The following PPP3CA variants were observed in gnomAD, a reference collection of about 807,000 sequenced individuals.
The protein encoded by PPP3CA is CAM-PRP catalytic subunit.
PPP3CA carries 14 observed loss-of-function variants against 66.5 expected under a neutral mutation model. The observed-to-expected ratio is 0.21, with a 90% confidence interval of 0.14 to 0.33. PPP3CA has a LOEUF of 0.33. Among genes scored for constraint, PPP3CA ranks in the 10% least tolerant of loss-of-function variants. The pLI, the probability that PPP3CA is intolerant of heterozygous loss-of-function variation, is 1.00. For synonymous variants in PPP3CA, 232 were observed against 226.2 expected (o/e 1.03, Z -0.23); for missense variants, 317 against 639.5 (o/e 0.50, Z 5.44).
chr4:101,285,528 CAA>C (rs1267063156), intron 1 of PPP3CA, among the ~76,000 whole-genome samples: 1 of 151,596 alleles, frequency 6.6e-6, no homozygotes, highest in Non-Finnish European at 1.5e-5. Flanking sequence ...TCATCTGAAA[CAA>C]AGAGATACAT....
intron 1 of PPP3CA, among the ~76,000 whole-genome samples, chr4:101,335,532 T>C (rs1729596393): frequency 6.9e-6 from 1 of 145,164 alleles, no homozygotes; most frequent in Admixed American, 6.6e-5. Flanking sequence ...AAAACGCGTC[T>C]GCTATCTAGG....
chr4:101,053,760 T>A (rs1223205664), intron 10 of PPP3CA, among the ~76,000 whole-genome samples: 1 of 152,088 alleles, frequency 6.6e-6, no homozygotes, highest in Non-Finnish European at 1.5e-5. Flanking sequence ...ACCGTCAAAC[T>A]CAGCTTTTGT....
chr4:101,026,078 T>A lies in PPP3CA; in HGVS notation c.1370-17A>T, dbSNP rs1560567400. On this transcript the variant is annotated splice_polypyrimidine_tract_variant and intron_variant, in intron 13 of 13. Coordinates refer to ENST00000394854, the MANE Select transcript of PPP3CA (RefSeq NM_000944.5). ...CTTTGATAGCTAAACAGAAAATCAT[T>A]AAAAAAAGAAAACCAGGATTATCCA... 1.3e-6 allele frequency: 2 copies of A among 1,565,964 alleles called. No homozygotes were observed. The highest frequency in any genetic ancestry group is 2.0e-5 in the Admixed American group (1 of 50,474).
intron 1 of PPP3CA, among the ~76,000 whole-genome samples, chr4:101,234,706 T>A (rs1028385630): frequency 6.6e-6 from 1 of 151,790 alleles, no homozygotes; most frequent in Non-Finnish European, 1.5e-5. Context: ...TAAAAGAGAC[T>A]CCAACCATTT....
chr4:101,232,511 T>C (rs1725995062), intron 1 of PPP3CA, among the ~76,000 whole-genome samples: 1 of 151,792 alleles, frequency 6.6e-6, no homozygotes, highest in Non-Finnish European at 1.5e-5. Context: ...TAGAAATAAA[T>C]GCTTTATCTC....
At position 101,193,478 on chromosome 4, in the gene PPP3CA, A is replaced by T. The variant is rs1013808934; in HGVS notation, c.259+2438T>A. Among the ~76,000 whole-genome samples the T allele has an allele frequency of 8.8e-5, 13 of 147,384 alleles. No individual in the cohort carries two copies. In the Admixed American group the frequency reaches 8.8e-4, roughly 10 times the overall value. Reference sequence around the variant, plus strand: ...TCTAGTCAGCCATGTTAGCTGAAAGAAAAAAAAAAACAGAACTGGCCTCAT... The same window carrying T: ...TCTAGTCAGCCATGTTAGCTGAAAGTAAAAAAAAAACAGAACTGGCCTCAT... On this transcript the variant is annotated intron_variant, in intron 2 of 13. Transcript: ENST00000394854.
At chr4:101,339,234 T>A (rs1303489097) in intron 1 of PPP3CA, among the ~76,000 whole-genome samples, 3 of 152,094 alleles carry the variant, frequency 2.0e-5, no homozygotes, top group African/African-American at 7.2e-5. Context: ...TCCAATTTGT[T>A]CTTTTTCATG....
chr4:101,151,125 A>G (rs1723122575), intron 2 of PPP3CA, among the ~76,000 whole-genome samples: 1 of 152,258 alleles, frequency 6.6e-6, no homozygotes, highest in Non-Finnish European at 1.5e-5. Flanking sequence ...AGCTTTTTAT[A>G]AAGTGCTACT....
intron 1 of PPP3CA, among the ~76,000 whole-genome samples, chr4:101,233,922 C>T (rs1726044107): frequency 1.3e-5 from 2 of 151,602 alleles, no homozygotes; most frequent in South Asian, 4.1e-4. Flanking sequence ...CTCTCACCAT[C>T]TGTCTGCTGC....
At chr4:101,186,226 A>G (rs950384041) in intron 2 of PPP3CA, among the ~76,000 whole-genome samples, 3 of 152,154 alleles carry the variant, frequency 2.0e-5, no homozygotes, top group African/African-American at 7.2e-5. Context: ...AGAGGTATAG[A>G]ACGAAATACC....
Position 101,202,334 on chromosome 4 carries a change from A to G in PPP3CA, c.59-6218T>C, listed in dbSNP as rs151127720. Reference sequence around the variant, plus strand: ...CCACCACCAAAATACGTGAATTCTGATTCTACTTCTGAACAAAGAGTAAAG... The same window carrying G: ...CCACCACCAAAATACGTGAATTCTGGTTCTACTTCTGAACAAAGAGTAAAG... On this transcript the variant is annotated intron_variant, in intron 1 of 13. Transcript: ENST00000394854. 1.2e-4 allele frequency among the ~76,000 whole-genome samples: 19 copies of G among 152,326 alleles called. 1 individual carries two copies. The highest frequency in any genetic ancestry group is 4.6e-4 in the African/African-American group (19 of 41,586).
intron 2 of PPP3CA, among the ~76,000 whole-genome samples, chr4:101,147,271 G>A (rs563763913): frequency 7.2e-5 from 11 of 152,266 alleles, no homozygotes; most frequent in Admixed American, 2.0e-4. Flanking sequence ...GTTCTTTAGA[G>A]CATGCCATTA....
chr4:101,288,257 A>G (rs1393263061), intron 1 of PPP3CA, among the ~76,000 whole-genome samples: 4 of 152,218 alleles, frequency 2.6e-5, no homozygotes, highest in African/African-American at 9.6e-5. Flanking sequence ...CTGAAAAACC[A>G]AAGTGAATGA....
At chr4:101,206,139 G>A (rs1179795908) in intron 1 of PPP3CA, among the ~76,000 whole-genome samples, 1 of 152,198 alleles carries the variant, frequency 6.6e-6, no homozygotes, top group African/African-American at 2.4e-5. Context: ...TCCACAGTCT[G>A]CGGTTCACCA....
chr4:101,224,577 C>T (rs1417849749), intron 1 of PPP3CA, among the ~76,000 whole-genome samples: 1 of 151,774 alleles, frequency 6.6e-6, no homozygotes, highest in Non-Finnish European at 1.5e-5. Flanking sequence ...CTGGTTTCTG[C>T]CTAAACCTAC....
chr4:101,086,812 C>T (rs1451821723), intron 6 of PPP3CA, among the ~76,000 whole-genome samples: 2 of 152,294 alleles, frequency 1.3e-5, no homozygotes, highest in African/African-American at 2.4e-5. Flanking sequence ...AGAGGAACAC[C>T]GCTTTTTCAT....
At chr4:101,189,048 C>T (rs1171736935) in intron 2 of PPP3CA, among the ~76,000 whole-genome samples, 2 of 152,066 alleles carry the variant, frequency 1.3e-5, no homozygotes, top group South Asian at 2.1e-4. Context: ...TCCAAACAGA[C>T]TTGGGTGTTC....
At chr4:101,200,442 T>C (rs1338309668) in intron 1 of PPP3CA, among the ~76,000 whole-genome samples, 1 of 152,162 alleles carries the variant, frequency 6.6e-6, no homozygotes, top group Non-Finnish European at 1.5e-5. Flanking sequence ...TTCACATTCA[T>C]GTAACCTGGG....
chr4:101,208,676 A>C (rs945886718), intron 1 of PPP3CA, among the ~76,000 whole-genome samples: 1 of 152,252 alleles, frequency 6.6e-6, no homozygotes, highest in African/African-American at 2.4e-5. Flanking sequence ...CTCTTTAAAC[A>C]GAATTTTAAA....
Sources: gnomAD v4.1 joint callset for allele counts (sites outside exome capture counted in the v4.1 genomes callset) on GRCh38, gnomAD v4.1.1 for gene constraint, MANE v1.5 for transcripts, NCBI Gene and HGNC (gene_info 2026-07-23, HGNC 2026-07-21) for gene names.